The following DUSP16 variants were observed in gnomAD, a reference collection of about 807,000 sequenced individuals.
DUSP16 encodes dual specificity phosphatase 16.
Under a neutral mutation model 58.3 loss-of-function variants are expected in DUSP16, and 21 were observed. The observed-to-expected ratio is 0.36, with a 90% CI of 0.26 to 0.52. The LOEUF (loss-of-function observed/expected upper bound fraction) is 0.52, where lower values mean the gene tolerates loss of function less well. DUSP16 is among the 20% of genes least tolerant of loss of function. The pLI, the probability that DUSP16 is intolerant of heterozygous loss-of-function variation, is 0.94. For synonymous variants in DUSP16, 320 were observed against 323.8 expected, an observed-to-expected ratio of 0.99 and a Z score of 0.12; for missense variants, 726 against 819.0, an observed-to-expected ratio of 0.89 and a Z score of 1.39.
chr12:12,520,104 C>T (rs1468482989), intron 2 of DUSP16, 104 bp from the exon 3 acceptor site: 6 of 1,128,710 alleles, frequency 5.3e-6, no homozygotes, highest in Non-Finnish European at 7.6e-6. Context: ...ATAATTGCTT[C>T]CTGTTTTCAA....
intron 3 of DUSP16, among the ~76,000 whole-genome samples, chr12:12,518,274 GGAGGCC>G (rs1944182704): frequency 6.6e-6 from 1 of 150,820 alleles, no homozygotes; most frequent in Non-Finnish European, 1.5e-5. Flanking sequence ...CAGCACTTTG[GGAGGCC>G]GAGGCAGGCA....
chr12:12,484,853 C>G (rs1001073485), intron 5 of DUSP16, among the ~76,000 whole-genome samples: 3 of 152,000 alleles, frequency 2.0e-5, no homozygotes, highest in Non-Finnish European at 2.9e-5. Context: ...CTCAGGTGAT[C>G]CCCCCATCTC....
chr12:12,559,668 AAATTT>A (rs1213264787), intron 1 of DUSP16, among the ~76,000 whole-genome samples: 1 of 152,214 alleles, frequency 6.6e-6, no homozygotes, highest in Non-Finnish European at 1.5e-5. Flanking sequence ...AAAATTGAAA[AAATTT>A]AATACTGGAC....
chr12:12,513,492 T>C (rs1159098237), intron 3 of DUSP16, among the ~76,000 whole-genome samples: 1 of 152,168 alleles, frequency 6.6e-6, no homozygotes, highest in African/African-American at 2.4e-5. Flanking sequence ...ACTCTGGAAT[T>C]ACTTGTGGAT....
intron 3 of DUSP16, among the ~76,000 whole-genome samples, chr12:12,506,679 A>C (rs970680251): frequency 5.3e-5 from 8 of 152,244 alleles, no homozygotes; most frequent in Admixed American, 1.3e-4. Flanking sequence ...TGCTAAGAGG[A>C]AGGAAGACAA....
intron 5 of DUSP16, among the ~76,000 whole-genome samples, chr12:12,484,967 T>G (rs905754235): frequency 6.6e-6 from 1 of 151,570 alleles, no homozygotes; most frequent in Non-Finnish European, 1.5e-5. Flanking sequence ...TTTTTAGAAG[T>G]ACAATGGGAG....
At chr12:12,528,663 GA>G (rs1417730117) in intron 1 of DUSP16, among the ~76,000 whole-genome samples, 1 of 151,916 alleles carries the variant, frequency 6.6e-6, no homozygotes, top group Non-Finnish European at 1.5e-5. Flanking sequence ...AGCAATAAAT[GA>G]AAAAAGTATT....
chr12:12,474,823 A>G lies in DUSP16; in HGVS notation c.*2010T>C, dbSNP rs150226726. On this transcript the variant is annotated 3_prime_UTR_variant, in exon 7 of 7. Transcript: ENST00000298573. ...CACTCTGGAAGTGGTGAACTGTTAC[A>G]CATTTGGTGTGTGTGTACATAACAT... The G allele has an allele frequency of 6.6e-6, 1 of 152,356 alleles. No individual in the cohort carries two copies. The highest frequency in any genetic ancestry group is 1.5e-5 in the Non-Finnish European group (1 of 68,024). 9.4% of individuals were successfully genotyped at this position (152,356 alleles called of 1,614,324 possible). A position where few individuals can be genotyped will look rare whatever the true frequency, so the allele number is the denominator to read the frequency against.
intron 3 of DUSP16, among the ~76,000 whole-genome samples, chr12:12,501,659 G>A (rs575955572): frequency 6.6e-6 from 1 of 152,160 alleles, no homozygotes; most frequent in Non-Finnish European, 1.5e-5. Context: ...GAATCAAGGA[G>A]ATTTGGATGA....
chr12:12,529,587 T>C (rs1346137421), intron 1 of DUSP16, among the ~76,000 whole-genome samples: 2 of 152,184 alleles, frequency 1.3e-5, no homozygotes, highest in African/African-American at 4.8e-5. Context: ...AGGAATACTA[T>C]ATATCCTCGT....
intron 1 of DUSP16, among the ~76,000 whole-genome samples, chr12:12,529,541 G>A (rs1002892329): frequency 1.3e-5 from 2 of 152,184 alleles, no homozygotes; most frequent in African/African-American, 4.8e-5. Context: ...TCATTGTTGT[G>A]ATGAGAACAC....
intron 1 of DUSP16, among the ~76,000 whole-genome samples, chr12:12,528,852 G>A (rs916134280): frequency 2.0e-5 from 3 of 151,300 alleles, no homozygotes; most frequent in Non-Finnish European, 4.4e-5. Context: ...AAGAGCAAAG[G>A]GTGTGCGGGG....
At chr12:12,549,582 G>GA (rs1239730777) in intron 1 of DUSP16, among the ~76,000 whole-genome samples, 1 of 151,640 alleles carries the variant, frequency 6.6e-6, no homozygotes, top group Non-Finnish European at 1.5e-5. Flanking sequence ...TCTCCCAAAA[G>GA]AAAAAAATAA....
rs547701325 is a variant in DUSP16 at position 12,555,304 on chromosome 12, A to G, written c.-366+6813T>C. 2.6e-5 allele frequency among the ~76,000 whole-genome samples: 4 copies of G among 152,358 alleles called. No individual in the cohort carries two copies. The East Asian group carries it at 7.7e-4, about 29-fold the overall frequency. On this transcript the variant is annotated intron_variant, in intron 1 of 6. Coordinates refer to ENST00000298573, the MANE Select transcript of DUSP16 (RefSeq NM_030640.3). ...CAAATAAGAGTCCATGCCCAAGACT[A>G]TAAGTCAACCCCTTGCAAACTGCAA...
intron 1 of DUSP16, among the ~76,000 whole-genome samples, chr12:12,524,851 TTTA>T (rs1457230147): frequency 1.1e-4 from 16 of 152,206 alleles, no homozygotes; most frequent in Admixed American, 5.9e-4. Context: ...ACGTGTACAG[TTTA>T]TTGTGTCACT....
At chr12:12,513,375 C>G (rs1161397710) in intron 3 of DUSP16, among the ~76,000 whole-genome samples, 1 of 152,048 alleles carries the variant, frequency 6.6e-6, no homozygotes, top group Non-Finnish European at 1.5e-5. Flanking sequence ...CTGAAATTCT[C>G]AAAAAGACTG....
chr12:12,508,749 G>A (rs760536145), intron 3 of DUSP16, among the ~76,000 whole-genome samples: 5 of 152,114 alleles, frequency 3.3e-5, no homozygotes, highest in East Asian at 3.8e-4. Flanking sequence ...ACCCTATCAC[G>A]TGACACAGTT....
chr12:12,490,301 G>T (rs1427347006), intron 4 of DUSP16, among the ~76,000 whole-genome samples: 1 of 151,952 alleles, frequency 6.6e-6, no homozygotes, highest in Non-Finnish European at 1.5e-5. Flanking sequence ...TAGCTTAAAA[G>T]GTCTATTGAT....
chr12:12,500,495 G>A (rs1177430852), intron 4 of DUSP16, 24 bp downstream of exon 4: 1 of 1,587,474 alleles, frequency 6.3e-7, no homozygotes, highest in South Asian at 1.2e-5. Flanking sequence ...ACCCAGCAAT[G>A]AAGGATATTT....
Sources: gnomAD v4.1 joint callset for allele counts (sites outside exome capture counted in the v4.1 genomes callset) on GRCh38, gnomAD v4.1.1 for gene constraint, MANE v1.5 for transcripts, NCBI Gene and HGNC (gene_info 2026-07-23, HGNC 2026-07-21) for gene names.